GALNT2: variants seen among roughly 807,000 people sequenced by gnomAD.
The protein encoded by GALNT2 is polypeptide N-acetylgalactosaminyltransferase 2.
GALNT2 carries 31 observed loss-of-function variants against 81.4 expected under a neutral mutation model. The observed-to-expected ratio is 0.38, with a 90% CI of 0.29 to 0.51. The LOEUF (loss-of-function observed/expected upper bound fraction) is 0.51. Ranked by LOEUF, GALNT2 falls within the 20% of genes least tolerant of loss-of-function variation. The pLI is 0.87. For synonymous variants in GALNT2, 303 were observed against 287.4 expected, an observed-to-expected ratio of 1.05 and a Z score of -0.55; for missense variants, 629 against 765.7, an observed-to-expected ratio of 0.82 and a Z score of 2.11.
chr1:230,146,968 G>A (rs562250121), intron 1 of GALNT2, among the ~76,000 whole-genome samples: 5 of 152,362 alleles, frequency 3.3e-5, no homozygotes, highest in Non-Finnish European at 4.4e-5. Context: ...TGTGGGAGTC[G>A]TGGCAGGGGA....
intron 8 of GALNT2, among the ~76,000 whole-genome samples, chr1:230,248,411 A>T (rs940753961): frequency 1.3e-5 from 2 of 152,132 alleles, no homozygotes; most frequent in African/African-American, 4.8e-5. Context: ...TGGCCTCCTG[A>T]TGCACCAGGA....
Position 230,067,276 on chromosome 1 carries a change from G to A in GALNT2, c.-5G>A. 2 of 1,342,878 alleles carry A rather than the reference G, an allele frequency of 1.5e-6. No homozygotes were observed. Among genetic ancestry groups the A allele is most frequent in the Non-Finnish European group, 1.9e-6 (2 of 1,034,686 alleles). 83.2% of individuals were successfully genotyped at this position (1,342,878 alleles called of 1,614,324 possible). A position where few individuals can be genotyped will look rare whatever the true frequency, so the allele number is the denominator to read the frequency against. ...GGCGGCCCCGCCGGCGGCCGAGTTGGGAGAATGCGGCGGCGCTCGCGGATG... is the reference window on the plus strand; with the variant it reads ...GGCGGCCCCGCCGGCGGCCGAGTTGAGAGAATGCGGCGGCGCTCGCGGATG... On this transcript the variant is annotated 5_prime_UTR_variant, in exon 1 of 16. Transcript: ENST00000366672.
chr1:230,157,145 G>A (rs1662282297), intron 1 of GALNT2, among the ~76,000 whole-genome samples: 1 of 152,202 alleles, frequency 6.6e-6, no homozygotes, highest in Non-Finnish European at 1.5e-5. Flanking sequence ...CAGTTTAGAT[G>A]CATTTAAAAG....
chr1:230,089,250 G>T (rs1463582834), intron 1 of GALNT2, among the ~76,000 whole-genome samples: 1 of 151,324 alleles, frequency 6.6e-6, no homozygotes, highest in Admixed American at 6.6e-5. Context: ...GGGTTCAAGC[G>T]ATTCTTCTGC....
chr1:230,061,369 T>C (rs1401520221), intron 1 of GALNT2, among the ~76,000 whole-genome samples: 1 of 152,122 alleles, frequency 6.6e-6, no homozygotes, highest in Non-Finnish European at 1.5e-5. Flanking sequence ...TATTTCCTGA[T>C]TTGCTCAATT....
At chr1:230,242,717 A>G (rs1343603336) in intron 6 of GALNT2, among the ~76,000 whole-genome samples, 2 of 152,140 alleles carry the variant, frequency 1.3e-5, no homozygotes, top group African/African-American at 2.4e-5. Flanking sequence ...CACTATTTGT[A>G]TTTTGTGTCA....
Position 230,203,157 on chromosome 1 carries a change from T to C in GALNT2, c.241T>C (p.Phe81Leu), listed in dbSNP as rs1210569898. 6.2e-7 allele frequency: 1 copy of C among 1,614,138 alleles called. No homozygotes were observed. The highest frequency in any genetic ancestry group is 2.2e-5 in the East Asian group (1 of 44,888). The change falls in exon 3 of 16, where the codon TTT becomes CTT. Residue 81 changes from phenylalanine (F) to leucine (L), a missense_variant. Physicochemically the swap from Phe to Leu is conservative, Grantham distance 22 (BLOSUM62 0). This residue lies in a region of GALNT2 where 360 missense variants were observed against 492.8 expected (regional missense o/e 0.73). Coordinates refer to ENST00000366672, the MANE Select transcript of GALNT2 (RefSeq NM_004481.5). ...LPPGKVRWPD[F>L]NQEAYVGGTM... Reference sequence around the variant, plus strand: ...TTTAGGGAAAGTACGGTGGCCAGACTTTAACCAGGAAGCTTATGTTGGAGG... The same window carrying C: ...TTTAGGGAAAGTACGGTGGCCAGACCTTAACCAGGAAGCTTATGTTGGAGG...
intron 1 of GALNT2, among the ~76,000 whole-genome samples, chr1:230,135,930 C>G (rs941896614): frequency 6.6e-6 from 1 of 151,874 alleles, no homozygotes; most frequent in Non-Finnish European, 1.5e-5. Context: ...TGGTCTCAGG[C>G]GAGCTCCCCA....
At position 230,275,953 on chromosome 1, in the gene GALNT2, TAC is replaced by T. The variant is rs1190592970; in HGVS notation, c.1560+1390_1560+1391del. Among the ~76,000 whole-genome samples, 1 of 149,612 alleles carries T rather than the reference TAC, an allele frequency of 6.7e-6. No homozygotes were observed. The highest frequency in any genetic ancestry group is 2.5e-5 in the African/African-American group (1 of 40,212). ...TACATATATACATGCCACATATATA[TAC>T]GTATATATACATGCCACATATATAT... On this transcript the variant is annotated intron_variant, in intron 15 of 15. Transcript: ENST00000366672. The surrounding 1 kb of genome is among the most constrained non-coding windows in gnomAD (Gnocchi z 5.5).
rs1396574252 is a variant in GALNT2 at position 230,152,233 on chromosome 1, A to G, written c.127-25985A>G. On this transcript the variant is annotated intron_variant, in intron 1 of 15. Coordinates refer to ENST00000366672, the MANE Select transcript of GALNT2 (RefSeq NM_004481.5). ...TGCTTTGGCTCACATGCCTCTGACAAAAGTAAAGCTCTCAGGGGGCTCAGG... is the reference window on the plus strand; with the variant it reads ...TGCTTTGGCTCACATGCCTCTGACAGAAGTAAAGCTCTCAGGGGGCTCAGG... Among the ~76,000 whole-genome samples, 7 of 152,278 alleles carry G rather than the reference A, an allele frequency of 4.6e-5. No homozygotes were observed. In the East Asian group the frequency reaches 9.6e-4, roughly 21 times the overall value.
intron 15 of GALNT2, among the ~76,000 whole-genome samples, chr1:230,277,541 G>A (rs984136850): frequency 5.3e-5 from 8 of 152,186 alleles, no homozygotes; most frequent in South Asian, 2.1e-4. Flanking sequence ...TGACAGCAAC[G>A]AGGGAGCTGG....
intron 2 of GALNT2, among the ~76,000 whole-genome samples, chr1:230,190,548 A>G (rs1663488374): frequency 6.6e-6 from 1 of 152,122 alleles, no homozygotes; most frequent in Non-Finnish European, 1.5e-5. Flanking sequence ...ATTTCAGTAG[A>G]TTTGGGGGAT....
intron 1 of GALNT2, among the ~76,000 whole-genome samples, chr1:230,174,067 A>G (rs1045348291): frequency 1.1e-4 from 17 of 152,198 alleles, no homozygotes; most frequent in African/African-American, 3.9e-4. Flanking sequence ...GCAAATGTAA[A>G]AGACCCCCAA....
chr1:230,108,000 A>G (rs1297124562), intron 1 of GALNT2, among the ~76,000 whole-genome samples: 3 of 152,150 alleles, frequency 2.0e-5, no homozygotes, highest in Admixed American at 6.5e-5. Context: ...GCATCATAAA[A>G]TGCTGTGAAA....
chr1:230,178,548 G>A (rs1663058915), intron 2 of GALNT2, among the ~76,000 whole-genome samples: 1 of 152,086 alleles, frequency 6.6e-6, no homozygotes, highest in Non-Finnish European at 1.5e-5. Context: ...ATAGACTAAA[G>A]TAGAAAGTAT....
At chr1:230,231,867 T>C (rs1664876182) in intron 3 of GALNT2, among the ~76,000 whole-genome samples, 1 of 152,158 alleles carries the variant, frequency 6.6e-6, no homozygotes, top group Non-Finnish European at 1.5e-5. Context: ...CCCCGCCCAC[T>C]CTTCTCAGAG....
chr1:230,247,204 T>G (rs771072249), intron 8 of GALNT2, among the ~76,000 whole-genome samples: 2 of 151,596 alleles, frequency 1.3e-5, no homozygotes, highest in Non-Finnish European at 2.9e-5. Flanking sequence ...GGAGACAGAG[T>G]GAGACCCTGC....
rs113582846 is a variant in GALNT2, at chr1:230,072,170, G to T, written c.126+4764G>T. 9.8e-3 allele frequency among the ~76,000 whole-genome samples: 1,495 copies of T among 152,252 alleles called. 22 individuals are homozygous for T. The highest frequency in any genetic ancestry group is 0.034 in the African/African-American group (1,416 of 41,518). On this transcript the variant is annotated intron_variant, in intron 1 of 15. Coordinates refer to ENST00000366672, the MANE Select transcript of GALNT2 (RefSeq NM_004481.5). ...GGTGGTCAGAAAAATGATGGGAGAGGGGGTGGGGGAGATTGGGTTGGGGAA... is the reference window on the plus strand; with the variant it reads ...GGTGGTCAGAAAAATGATGGGAGAGTGGGTGGGGGAGATTGGGTTGGGGAA...
At chr1:230,164,343 GTACACAT>G (rs1662532581) in intron 1 of GALNT2, among the ~76,000 whole-genome samples, 2 of 152,162 alleles carry the variant, frequency 1.3e-5, no homozygotes, top group Non-Finnish European at 2.9e-5. Context: ...CGAGTTCCCT[GTACACAT>G]TTACTGCTAA....
Sources: allele counts gnomAD v4.1 joint callset (sites outside exome capture counted in the v4.1 genomes callset), GRCh38; gene constraint gnomAD v4.1.1; regional missense constraint gnomAD v4.1.1; non-coding constraint Gnocchi (gnomAD v3.1); transcripts MANE v1.5; gene names NCBI Gene and HGNC (gene_info 2026-07-23, HGNC 2026-07-21).